Variants in MCM3AP observed in about 807,000 individuals in gnomAD.
MCM3AP encodes the protein minichromosome maintenance complex component 3 associated protein.
MCM3AP carries 126 observed loss-of-function variants against 184.1 expected under a neutral mutation model. That is an observed-to-expected ratio of 0.68 (90% CI 0.59 to 0.79). The LOEUF (loss-of-function observed/expected upper bound fraction) is 0.79, where lower values mean the gene tolerates loss of function less well. Ranked by LOEUF, MCM3AP falls within the 30% of genes least tolerant of loss-of-function variation. The pLI is 0.00. For synonymous variants in MCM3AP, 1,002 were observed against 979.3 expected (o/e 1.02, Z -0.43); for missense variants, 2,496 against 2,479.2 (o/e 1.01, Z -0.14).
intron 10 of MCM3AP, 168 bp downstream of exon 10, chr21:46,266,814 T>G (rs910224443): frequency 2.9e-6 from 2 of 681,554 alleles, no homozygotes; most frequent in African/African-American, 3.6e-5. Context: ...AGCCAGGATG[T>G]GACCTTGGGA....
At chr21:46,244,772 G>A in intron 23 of MCM3AP, 35 bp downstream of exon 23, 1 of 1,561,322 alleles carries the variant, frequency 6.4e-7, no homozygotes, top group Non-Finnish European at 8.7e-7. Context: ...CTTGGCTGCA[G>A]CCACCCACCA....
chr21:46,248,287 G>C (rs959154764), intron 20 of MCM3AP, among the ~76,000 whole-genome samples: 2 of 152,144 alleles, frequency 1.3e-5, no homozygotes, highest in African/African-American at 4.8e-5. Context: ...GGATCCAGAT[G>C]CAGGGCCATG....
intron 9 of MCM3AP, 21 bp from the exon 10 acceptor site, chr21:46,267,163 A>G (rs778307833): frequency 1.2e-6 from 2 of 1,610,156 alleles, no homozygotes; most frequent in Non-Finnish European, 1.7e-6. Context: ...GAGCGAAATC[A>G]CTGCAGTCTC....
intron 12 of MCM3AP, among the ~76,000 whole-genome samples, chr21:46,264,670 C>T (rs1031285217): frequency 2.0e-5 from 3 of 152,168 alleles, no homozygotes. Flanking sequence ...CATCCACCCC[C>T]AGGCCAGGCT....
chr21:46,265,503 ACTCCT>A lies in MCM3AP; in HGVS notation c.3047_3051del (p.Glu1016ValfsTer48), dbSNP rs2081099136. 3 of 1,601,552 alleles carry A rather than the reference ACTCCT, an allele frequency of 1.9e-6. No homozygotes were observed. The highest frequency in any genetic ancestry group is 2.6e-6 in the Non-Finnish European group (3 of 1,173,624). ...AGGGGTGCATCCGGCTCTACACCAC[ACTCCT>A]CTCCTCTCCCTCCGCCTGGAAGGAA... On this transcript the variant is annotated frameshift_variant, in exon 12 of 28. Coordinates refer to ENST00000291688, the MANE Select transcript of MCM3AP (RefSeq NM_003906.5). LOFTEE classifies it high-confidence loss of function.
chr21:46,283,495 A>AT (rs2081358427), intron 2 of MCM3AP, 120 bp downstream of exon 2: 2 of 654,462 alleles, frequency 3.1e-6, no homozygotes, highest in Non-Finnish European at 5.3e-6. Flanking sequence ...CTAATAAGAT[A>AT]TTTGAGTACT....
chr21:46,281,614 G>T (rs1175310177), intron 2 of MCM3AP, among the ~76,000 whole-genome samples: 3 of 151,808 alleles, frequency 2.0e-5, no homozygotes, highest in African/African-American at 7.3e-5. Flanking sequence ...TTGTGCCCAG[G>T]AATTTAGGAC....
chr21:46,275,372 C>T (rs377028175), intron 5 of MCM3AP, 47 bp from the exon 6 acceptor site: 5 of 1,542,712 alleles, frequency 3.2e-6, no homozygotes, highest in South Asian at 1.2e-5. Context: ...ATGGTTAGCA[C>T]GAACCTACAG....
In MCM3AP at chr21:46,272,758, G is replaced by A; in HGVS notation, c.2268C>T (p.Ile756=). The change falls in exon 8 of 28, where the codon ATC becomes ATT. Residue 756 remains isoleucine, a synonymous_variant. Transcript: ENST00000291688. The stretch of plus-strand genomic sequence containing the variant: ...CCTCACACATGAAGTGGGCACAGTG[G>A]ATGTGAAACCGGGTGCACTTCTCAA... The part of the protein sequence containing the change: ...SLIEKCTRFH[I]HCAHFMCEEP... 1.2e-6 allele frequency: 2 copies of A among 1,613,856 alleles called. No individual in the cohort carries two copies. Among genetic ancestry groups the A allele is most frequent in the Non-Finnish European group, 1.7e-6 (2 of 1,179,818 alleles).
intron 2 of MCM3AP, 29 bp from the exon 3 acceptor site, chr21:46,280,604 T>C (rs2081319884): frequency 6.7e-7 from 1 of 1,488,880 alleles, no homozygotes; most frequent in Non-Finnish European, 9.3e-7. Flanking sequence ...CCGCCATGTG[T>C]GAGTATATCA....
intron 24 of MCM3AP, among the ~76,000 whole-genome samples, chr21:46,243,205 G>A (rs1292979573): frequency 1.3e-5 from 2 of 152,188 alleles, no homozygotes; most frequent in Non-Finnish European, 2.9e-5. Flanking sequence ...GGCCAGTAAT[G>A]ACTACTCAAA....
At chr21:46,272,198 C>A (rs1402533425) in intron 8 of MCM3AP, among the ~76,000 whole-genome samples, 1 of 152,212 alleles carries the variant, frequency 6.6e-6, no homozygotes, top group Non-Finnish European at 1.5e-5. Context: ...ACAAAACTAT[C>A]TGGGAACAGG....
intron 8 of MCM3AP, 29 bp from the exon 9 acceptor site, chr21:46,270,592 G>A: frequency 6.5e-7 from 1 of 1,545,384 alleles, no homozygotes; most frequent in East Asian, 2.3e-5. Context: ...AAAAGGGGTT[G>A]GAATGTTATT....
At position 46,265,538 on chromosome 21, in the gene MCM3AP, A is replaced by G; in HGVS notation, c.3032-15T>C. 1 of 1,552,748 alleles carries G rather than the reference A, an allele frequency of 6.4e-7. No homozygotes were observed. The highest frequency in any genetic ancestry group is 8.7e-7 in the Non-Finnish European group (1 of 1,146,920). On this transcript the variant is annotated splice_polypyrimidine_tract_variant and intron_variant, in intron 11 of 27. Coordinates refer to ENST00000291688, the MANE Select transcript of MCM3AP (RefSeq NM_003906.5). Reference sequence around the variant, plus strand: ...TCTCCCTCCGCCTGGAAGGAAACATACAGGACAAAACATAGCTGCAGACAC... The same window carrying G: ...TCTCCCTCCGCCTGGAAGGAAACATGCAGGACAAAACATAGCTGCAGACAC...
Position 46,245,019 on chromosome 21 carries a change from A to G in MCM3AP, c.4826T>C (p.Ile1609Thr), listed in dbSNP as rs756991521. 8.7e-6 allele frequency: 14 copies of G among 1,614,040 alleles called. No homozygotes were observed. The highest frequency in any genetic ancestry group is 2.2e-5 in the South Asian group (2 of 91,084). ...CTGCAGCACACTGTTAAACAGCTCA[A>G]TGATGGCGCCAGGCTCCTGAGAAGC... The part of the protein sequence containing the change: ...GLASQEPGAI[I>T]ELFNSVLQFL... Residue 1609 changes from isoleucine to threonine, a missense_variant, in exon 23 of 28, where the codon ATT (isoleucine) becomes ACT (threonine). By Grantham distance (89) the Ile-to-Thr change is moderately conservative (BLOSUM62 -1). Transcript: ENST00000291688.
At position 46,284,112 on chromosome 21, in the gene MCM3AP, C is replaced by T; in HGVS notation, c.1175G>A (p.Gly392Asp). ...QSVLAPSRIP[G>D]VNKEEETESR... ...TTCAGTTTCTTCCTCTTTATTCACA[C>T]CTGGAATCCGGGAAGGTGCCAGGAC... The change falls in exon 1 of 28, where the codon GGT (glycine) becomes GAT (aspartate). Residue 392 changes from glycine (G) to aspartate (D), a missense_variant. Coordinates refer to ENST00000291688, the MANE Select transcript of MCM3AP (RefSeq NM_003906.5). 1 of 1,614,078 alleles carries T rather than the reference C, an allele frequency of 6.2e-7. No homozygotes were observed. Among genetic ancestry groups the T allele is most frequent in the Non-Finnish European group, 8.5e-7 (1 of 1,179,976 alleles).
chr21:46,267,429 G>T (rs946305732), intron 9 of MCM3AP: 48 of 379,452 alleles, frequency 1.3e-4, no homozygotes, highest in Non-Finnish European at 1.7e-4. Context: ...CCATCAACAA[G>T]ACCAGGTGAA....
chr21:46,268,809 C>T lies in MCM3AP; in HGVS notation c.2628+1592G>A, dbSNP rs1023538253. On this transcript the variant is annotated intron_variant, in intron 9 of 27. Transcript: ENST00000291688. ...CTGTAATCCCAGCACTTTGGGAGGCCGAGGTGGGTGGATCACCTGAGGCTA... is the reference window on the plus strand; with the variant it reads ...CTGTAATCCCAGCACTTTGGGAGGCTGAGGTGGGTGGATCACCTGAGGCTA... 7.9e-5 allele frequency among the ~76,000 whole-genome samples: 12 copies of T among 152,150 alleles called. No individual in the cohort carries two copies. In the East Asian group the frequency reaches 1.9e-3, roughly 24 times the overall value.
intron 19 of MCM3AP, chr21:46,252,014 G>T: frequency 5.4e-6 from 1 of 184,898 alleles, no homozygotes; most frequent in African/African-American, 2.3e-5. Flanking sequence ...GGGCCACCAT[G>T]CCCAGCTAAT....
Sources: allele counts gnomAD v4.1 joint callset (sites outside exome capture counted in the v4.1 genomes callset), GRCh38; gene constraint gnomAD v4.1.1; transcripts MANE v1.5; gene names NCBI Gene and HGNC (gene_info 2026-07-23, HGNC 2026-07-21).